Variants in RBSN observed in about 807,000 individuals in gnomAD.
The protein encoded by RBSN is rabenosyn-5.
RBSN carries 34 observed loss-of-function variants against 60.5 expected under a neutral mutation model. The ratio of observed to expected loss-of-function variants is 0.56; its 90% CI spans 0.43 to 0.75. The LOEUF (loss-of-function observed/expected upper bound fraction) is 0.75. RBSN is among the 30% of genes least tolerant of loss of function. RBSN has a pLI of 0.00. For missense variants in RBSN, 845 were observed against 986.8 expected (o/e 0.86, Z 1.92); for synonymous variants, 322 against 366.9 (o/e 0.88, Z 1.40).
rs1203567265 is a variant in RBSN, at chr3:15,078,776, ATACATATATATATATATATATAT to A, written c.912-638_912-616del. 2.5e-4 allele frequency among the ~76,000 whole-genome samples: 14 copies of A among 56,264 alleles called. 1 individual carries two copies. Among genetic ancestry groups the A allele is most frequent in the African/African-American group, 9.3e-4 (13 of 13,938 alleles). 36.9% of individuals were successfully genotyped at this position (56,264 alleles called of 152,430 possible). A position where few individuals can be genotyped will look rare whatever the true frequency, so the allele number is the denominator to read the frequency against. On this transcript the variant is annotated intron_variant, in intron 10 of 13. Transcript: ENST00000253699. ...CTCGGTCTCAAAAAAAAAAAAAAAA[ATACATATATATATATATATATAT>A]ATATATATATATATATATATATATA...
At chr3:15,094,197 T>C (rs980710149) in intron 4 of RBSN, among the ~76,000 whole-genome samples, 2 of 152,262 alleles carry the variant, frequency 1.3e-5, no homozygotes, top group African/African-American at 2.4e-5. Context: ...GCAATGGCAT[T>C]GTATAGGACT....
rs1575095355 is a variant in RBSN at position 15,082,955 on chromosome 3, A to C, written c.599-347T>G. Among the ~76,000 whole-genome samples the C allele has an allele frequency of 1.3e-5, 2 of 152,154 alleles. No homozygotes were observed. The highest frequency in any genetic ancestry group is 1.3e-4 in the Admixed American group (2 of 15,274). On this transcript the variant is annotated intron_variant, in intron 8 of 13. Coordinates refer to ENST00000253699, the MANE Select transcript of RBSN (RefSeq NM_022340.4). This position sits in a 1 kb window ranked among gnomAD's most constrained non-coding sequence, Gnocchi z 4.2. ...ACCCTCTCTGAATGGCAGGTCCTCC[A>C]GGAAAGCCTTTTCCAATTCCCTGAG...
chr3:15,075,494 TGA>T (rs907194931), intron 13 of RBSN, 110 bp downstream of exon 13: 1 of 851,054 alleles, frequency 1.2e-6, no homozygotes. Context: ...TATGCACATT[TGA>T]GAGAGAGGTT....
At position 15,098,130 on chromosome 3, in the gene RBSN, G is replaced by A. The variant is rs539448807; in HGVS notation, c.-356C>T. 2 of 152,384 alleles carry A rather than the reference G, an allele frequency of 1.3e-5. No homozygotes were observed. Among genetic ancestry groups the A allele is most frequent in the East Asian group, 3.9e-4 (2 of 5,172 alleles). The allele number at this position is 152,384 out of a possible 1,614,324, so 9.4% of individuals were successfully genotyped here. A position where few individuals can be genotyped will look rare whatever the true frequency, so the allele number is the denominator to read the frequency against. On this transcript the variant is annotated 5_prime_UTR_variant, in exon 2 of 14. Coordinates refer to ENST00000253699, the MANE Select transcript of RBSN (RefSeq NM_022340.4). ...GAAATGCCTCTTACTCAGAGCATCA[G>A]AATGGACTTCTCCTTCACAGCACTC...
rs768188614 is a variant in RBSN at position 15,074,005 on chromosome 3, AAGGGGTTACCAGGAACCAG to A, written c.2113_2131del (p.Val706ArgfsTer23). On this transcript the variant is annotated frameshift_variant, in exon 14 of 14. Coordinates refer to ENST00000253699, the MANE Select transcript of RBSN (RefSeq NM_022340.4). LOFTEE classifies it high-confidence loss of function. This position sits in a 1 kb window ranked among gnomAD's most constrained non-coding sequence, Gnocchi z 6.4. ...GGGGTTGATACAGGTGGGTTCCTCA[AAGGGGTTACCAGGAACCAG>A]AGGGCTTGAGAGCCTCTGCTGGGGA... The A allele has an allele frequency of 6.2e-7, 1 of 1,613,854 alleles. No individual in the cohort carries two copies. Among genetic ancestry groups the A allele is most frequent in the Non-Finnish European group, 8.5e-7 (1 of 1,179,934 alleles).
chr3:15,079,676 A>G (rs2043152661), intron 10 of RBSN, among the ~76,000 whole-genome samples: 1 of 152,254 alleles, frequency 6.6e-6, no homozygotes, highest in Non-Finnish European at 1.5e-5. Flanking sequence ...AAGAAGCCAG[A>G]CAAGAGAGAT....
chr3:15,077,162 T>C lies in RBSN; in HGVS notation c.1001A>G (p.Lys334Arg), dbSNP rs765959798. Residue 334 changes from lysine (K) to arginine (R), a missense_variant and splice_region_variant, in exon 12 of 14, where the codon AAG becomes AGG. Lys to Arg is a conservative substitution (Grantham distance 26). Transcript: ENST00000253699. This position sits in a 1 kb window ranked among gnomAD's most constrained non-coding sequence, Gnocchi z 4.4. ...KVYELIDALS[K>R]KILTLGLNQD... ...GTTCAAGCCCAAGGTTAAGATCTTC[T>C]TACTGAATTGGAACAAACACATGAA... 6.2e-7 allele frequency: 1 copy of C among 1,613,598 alleles called. No individual in the cohort carries two copies. The highest frequency in any genetic ancestry group is 8.5e-7 in the Non-Finnish European group (1 of 1,179,578).
In RBSN at chr3:15,072,423, A is replaced by G. The variant is rs1358908475; in HGVS notation, c.*1359T>C. 6.6e-6 allele frequency: 1 copy of G among 152,216 alleles called. No homozygotes were observed. The highest frequency in any genetic ancestry group is 1.5e-5 in the Non-Finnish European group (1 of 68,040). 9.4% of individuals were successfully genotyped at this position (152,216 alleles called of 1,614,324 possible). ...AATAAAAAATCTCATCAGTGCCCCAAGTCAGGACACAATGAACCAAAAAGG... is the reference window on the plus strand; with the variant it reads ...AATAAAAAATCTCATCAGTGCCCCAGGTCAGGACACAATGAACCAAAAAGG... On this transcript the variant is annotated 3_prime_UTR_variant, in exon 14 of 14. Transcript: ENST00000253699.
intron 4 of RBSN, 76 bp from the exon 5 acceptor site, chr3:15,090,615 C>T: frequency 1.3e-6 from 2 of 1,541,114 alleles, no homozygotes; most frequent in South Asian, 2.4e-5. Context: ...TCTCAAAAAA[C>T]AAGAGTTGAC....
chr3:15,091,918 G>C (rs1380867244), intron 4 of RBSN, among the ~76,000 whole-genome samples: 2 of 152,234 alleles, frequency 1.3e-5, no homozygotes, highest in African/African-American at 4.8e-5. Context: ...GCTCTCTCAT[G>C]AATGTTCTTT....
chr3:15,084,633 C>G lies in RBSN; in HGVS notation c.598+102G>C. Reference sequence around the variant, plus strand: ...TCAATGAATGAAGATTCCCATGAGCCATTAATTTAACAAAAAGGTTCCACG... The same window carrying G: ...TCAATGAATGAAGATTCCCATGAGCGATTAATTTAACAAAAAGGTTCCACG... On this transcript the variant is annotated intron_variant, in intron 8 of 13. Coordinates refer to ENST00000253699, the MANE Select transcript of RBSN (RefSeq NM_022340.4). This position sits in a 1 kb window ranked among gnomAD's most constrained non-coding sequence, Gnocchi z 4.2. The G allele has an allele frequency of 7.2e-7, 1 of 1,396,522 alleles. No individual in the cohort carries two copies. Among genetic ancestry groups the G allele is most frequent in the South Asian group, 1.4e-5 (1 of 69,616 alleles). 86.5% of individuals were successfully genotyped at this position (1,396,522 alleles called of 1,614,324 possible).
chr3:15,075,093 G>A (rs2043021567), intron 13 of RBSN, 163 bp from the exon 14 acceptor site: 1 of 844,142 alleles, frequency 1.2e-6, no homozygotes, highest in Non-Finnish European at 1.8e-6. Context: ...ATGTTTTTGT[G>A]TATATGTGGG....
chr3:15,098,476 A>AAAAAAAC (rs2043731486), intron 1 of RBSN, among the ~76,000 whole-genome samples: 1 of 53,850 alleles, frequency 1.9e-5, no homozygotes, highest in Non-Finnish European at 3.7e-5. Flanking sequence ...AAAATAAAAA[A>AAAAAAAC]AATAAATATA....
intron 4 of RBSN, chr3:15,091,486 TATAACATCTACAAC>T: frequency 7.8e-7 from 1 of 1,287,174 alleles, no homozygotes; most frequent in Middle Eastern, 2.1e-4. Context: ...AAGAAACAGA[TATAACATCTACAAC>T]ATAACACAAA....
chr3:15,074,629 T>TTC lies in RBSN; in HGVS notation c.1506_1507dup (p.Lys503ArgfsTer74), dbSNP rs748987498. ...CTGCCTCCGGGACAGCTCGATGGCCTTCTCTGTCTGCTGCTGGTCATACTC... is the reference window on the plus strand; with the variant it reads ...CTGCCTCCGGGACAGCTCGATGGCCTTCTCTCTGTCTGCTGCTGGTCATACTC... On this transcript the variant is annotated frameshift_variant, in exon 14 of 14. Coordinates refer to ENST00000253699, the MANE Select transcript of RBSN (RefSeq NM_022340.4). LOFTEE classifies it low-confidence loss of function (END_TRUNC). The surrounding 1 kb of genome is among the most constrained non-coding windows in gnomAD (Gnocchi z 6.4). 6.2e-7 allele frequency: 1 copy of TTC among 1,614,246 alleles called. No individual in the cohort carries two copies. The highest frequency in any genetic ancestry group is 1.3e-5 in the African/African-American group (1 of 75,068).
chr3:15,077,066 A>C lies in RBSN; in HGVS notation c.1097T>G (p.Val366Gly). ...GCCAACCCAGGATGGCTTTACCTGC[A>C]CAAAAAGTGTAGCTGAGTATCTGAT... ...RMIRYSATLF[V>G]QEKLLGLMSL... The change falls in exon 12 of 14, where the codon GTG becomes GGG. Residue 366 changes from valine (V) to glycine (G), a missense_variant. Transcript: ENST00000253699. The surrounding 1 kb of genome is among the most constrained non-coding windows in gnomAD (Gnocchi z 4.4). 6.2e-7 allele frequency: 1 copy of C among 1,614,124 alleles called. No individual in the cohort carries two copies. Among genetic ancestry groups the C allele is most frequent in the Non-Finnish European group, 8.5e-7 (1 of 1,179,956 alleles).
chr3:15,097,199 C>A (rs2043683383), intron 2 of RBSN, among the ~76,000 whole-genome samples: 1 of 152,130 alleles, frequency 6.6e-6, no homozygotes, highest in East Asian at 1.9e-4. Context: ...AAGTAGCAAA[C>A]CTGATGTTCT....
At chr3:15,080,989 G>A (rs1354866254) in intron 9 of RBSN, 187 bp from the exon 10 acceptor site, 2 of 575,232 alleles carry the variant, frequency 3.5e-6, no homozygotes, top group East Asian at 2.9e-5. Context: ...GAAAGAAAGT[G>A]AGAATGGAGC....
chr3:15,091,687 C>T (rs2043519948), intron 4 of RBSN, among the ~76,000 whole-genome samples: 2 of 152,240 alleles, frequency 1.3e-5, no homozygotes, highest in Admixed American at 1.3e-4. Context: ...CAGGGAAGAA[C>T]TTGCTTCACC....
Sources: gnomAD v4.1 joint callset for allele counts (sites outside exome capture counted in the v4.1 genomes callset) on GRCh38, gnomAD v4.1.1 for gene constraint, Gnocchi (gnomAD v3.1) non-coding constraint, MANE v1.5 for transcripts, NCBI Gene and HGNC (gene_info 2026-07-23, HGNC 2026-07-21) for gene names.